The following CSTPP1 variants were observed in gnomAD, a reference collection of about 807,000 sequenced individuals.
CSTPP1 encodes UPF0705 protein C11orf49.
At chr11:47,161,417 T>C in the CSTPP1 span, 7 of 1,608,766 alleles carry the variant, frequency 4.4e-6, no homozygotes, top group South Asian at 5.5e-5. Context: ...CCCTGCTCTC[T>C]GTACAGGAGG....
At chr11:46,964,938 G>T in the CSTPP1 span, among the ~76,000 whole-genome samples, 3 of 152,104 alleles carry the variant, frequency 2.0e-5, no homozygotes, top group African/African-American at 7.2e-5. Flanking sequence ...GTAACCATGT[G>T]TGGGAAAACA....
chr11:47,124,427 C>T, the CSTPP1 span, among the ~76,000 whole-genome samples: 1 of 151,994 alleles, frequency 6.6e-6, no homozygotes, highest in Non-Finnish European at 1.5e-5. Context: ...AATGGTCTTA[C>T]TTTTAAAAAA....
chr11:47,106,981 C>T, the CSTPP1 span, among the ~76,000 whole-genome samples: 59 of 152,130 alleles, frequency 3.9e-4, no homozygotes, highest in African/African-American at 1.4e-3. Flanking sequence ...CGCTGTTTCC[C>T]GTTCTTTGCA....
chr11:47,040,163 G>C, the CSTPP1 span, among the ~76,000 whole-genome samples: 2 of 128,192 alleles, frequency 1.6e-5, no homozygotes, highest in Non-Finnish European at 3.7e-5. Context: ...TGCACTGAGA[G>C]GAACTCAGCA....
chr11:47,014,767 A>G, the CSTPP1 span, among the ~76,000 whole-genome samples: 1 of 138,606 alleles, frequency 7.2e-6, no homozygotes, highest in Non-Finnish European at 1.6e-5. Context: ...GAGGGAGGGA[A>G]GGAAGGAAGG....
At chr11:47,046,457 G>A in the CSTPP1 span, among the ~76,000 whole-genome samples, 2 of 151,784 alleles carry the variant, frequency 1.3e-5, no homozygotes, top group South Asian at 4.2e-4. Context: ...AGTCTATTAG[G>A]AATAAGTCTA....
the CSTPP1 span, among the ~76,000 whole-genome samples, chr11:47,033,230 T>A: frequency 9.8e-5 from 1 of 10,192 alleles, no homozygotes; most frequent in Non-Finnish European, 2.7e-4. Flanking sequence ...TGATTTCTGA[T>A]TTTTTTTGCC....
At chr11:47,116,675 G>GC in the CSTPP1 span, among the ~76,000 whole-genome samples, 5 of 83,908 alleles carry the variant, frequency 6.0e-5, no homozygotes, top group Admixed American at 1.8e-4. Flanking sequence ...TGCTTGGTAG[G>GC]TTTTTTTTTT....
At chr11:47,036,034 G>GATAT in the CSTPP1 span, among the ~76,000 whole-genome samples, 116 of 25,368 alleles carry the variant, frequency 4.6e-3, 27 homozygotes, top group South Asian at 8.6e-3. Context: ...GGAGTGAAAA[G>GATAT]ATATATATAT....
the CSTPP1 span, among the ~76,000 whole-genome samples, chr11:46,965,545 A>C: frequency 2.0e-5 from 3 of 152,136 alleles, no homozygotes; most frequent in African/African-American, 7.2e-5. Context: ...TTTTATTAAA[A>C]ATATTTTCTA....
chr11:47,150,853 T>C, the CSTPP1 span, among the ~76,000 whole-genome samples: 1 of 145,174 alleles, frequency 6.9e-6, no homozygotes, highest in East Asian at 2.1e-4. Context: ...TGGGGGAACG[T>C]GTCCTAAGGG....
chr11:47,145,220 T>C, the CSTPP1 span, among the ~76,000 whole-genome samples: 2 of 151,988 alleles, frequency 1.3e-5, no homozygotes, highest in South Asian at 2.1e-4. Flanking sequence ...TCTCTTGACC[T>C]TATGATCTGC....
At chr11:46,967,480 C>G in the CSTPP1 span, among the ~76,000 whole-genome samples, 1 of 152,148 alleles carries the variant, frequency 6.6e-6, no homozygotes, top group African/African-American at 2.4e-5. Flanking sequence ...ATCTTAAAAT[C>G]AGGTAGAGTA....
At chr11:47,103,216 A>C in the CSTPP1 span, among the ~76,000 whole-genome samples, 1 of 151,986 alleles carries the variant, frequency 6.6e-6, no homozygotes, top group African/African-American at 2.4e-5. Context: ...TGGGCAACAT[A>C]GTGAGACCTC....
chr11:47,122,281 TTATAA>T, the CSTPP1 span, among the ~76,000 whole-genome samples: 4 of 151,338 alleles, frequency 2.6e-5, no homozygotes. Flanking sequence ...CCAAGGGGCA[TTATAA>T]TAAGATCCAA....
the CSTPP1 span, among the ~76,000 whole-genome samples, chr11:46,996,802 C>T: frequency 6.6e-6 from 1 of 152,090 alleles, no homozygotes; most frequent in Non-Finnish European, 1.5e-5. Flanking sequence ...TTTATTTCTC[C>T]TTCACTTATG....
chr11:47,161,434 G>A, the CSTPP1 span: 21,398 of 1,611,836 alleles, frequency 0.013, 2,015 homozygotes, highest in Admixed American at 0.19. Context: ...GAGGCCTCTC[G>A]CTGCCCTCCA....
the CSTPP1 span, among the ~76,000 whole-genome samples, chr11:47,007,586 T>G: frequency 2.0e-5 from 3 of 152,234 alleles, no homozygotes; most frequent in African/African-American, 4.8e-5. Context: ...ATTGTCTGGA[T>G]ACCCTGTGGG....
the CSTPP1 span, among the ~76,000 whole-genome samples, chr11:47,036,865 G>A: frequency 2.4e-5 from 3 of 125,894 alleles, 1 homozygote; most frequent in African/African-American, 7.5e-5. Context: ...TTTTCTTAGA[G>A]GGGTGGAGTT....
Sources: gnomAD v4.1 joint callset for allele counts (sites outside exome capture counted in the v4.1 genomes callset) on GRCh38, gnomAD v4.1.1 for gene constraint, MANE v1.5 for transcripts, NCBI Gene and HGNC (gene_info 2026-07-23, HGNC 2026-07-21) for gene names.